The following SMAP1 variants were observed in gnomAD, a reference collection of about 807,000 sequenced individuals.
SMAP1 encodes the protein stromal membrane-associated protein 1.
Under a neutral mutation model 58.5 loss-of-function variants are expected in SMAP1, and 24 were observed. The observed-to-expected ratio is 0.41, with a 90% CI of 0.30 to 0.58. The LOEUF (loss-of-function observed/expected upper bound fraction) is 0.58, where lower values mean the gene tolerates loss of function less well. SMAP1 is among the 20% of genes least tolerant of loss of function. SMAP1 has a pLI of 0.29. For synonymous variants in SMAP1, 216 were observed against 196.6 expected, an observed-to-expected ratio of 1.10 and a Z score of -0.82; for missense variants, 563 against 566.3, an observed-to-expected ratio of 0.99 and a Z score of 0.06.
intron 1 of SMAP1, among the ~76,000 whole-genome samples, chr6:70,687,516 A>G (rs1766982941): frequency 6.6e-6 from 1 of 152,150 alleles, no homozygotes; most frequent in African/African-American, 2.4e-5. Context: ...AAGTTAGGTT[A>G]AGAATAATGG....
intron 6 of SMAP1, among the ~76,000 whole-genome samples, chr6:70,834,673 A>G (rs778472628): frequency 2.0e-5 from 3 of 152,206 alleles, no homozygotes; most frequent in Admixed American, 6.5e-5. Context: ...GCCCTGCAAT[A>G]TTTGAAGTTT....
chr6:70,798,166 G>A (rs1228958571), intron 5 of SMAP1, among the ~76,000 whole-genome samples: 1 of 151,684 alleles, frequency 6.6e-6, no homozygotes, highest in Admixed American at 6.6e-5. Context: ...ATAATGGACT[G>A]AAGATATTTT....
At chr6:70,696,749 G>A (rs780307082) in intron 1 of SMAP1, among the ~76,000 whole-genome samples, 1 of 152,134 alleles carries the variant, frequency 6.6e-6, no homozygotes, top group Non-Finnish European at 1.5e-5. Context: ...GCAGATATCT[G>A]TTAGGTCCGT....
At chr6:70,844,733 T>C (rs1245183620) in intron 7 of SMAP1, among the ~76,000 whole-genome samples, 2 of 152,250 alleles carry the variant, frequency 1.3e-5, no homozygotes, top group Non-Finnish European at 2.9e-5. Context: ...CATTTGTGAC[T>C]TGAATTTACT....
At chr6:70,738,036 G>T (rs1765680222) in intron 2 of SMAP1, among the ~76,000 whole-genome samples, 1 of 152,156 alleles carries the variant, frequency 6.6e-6, no homozygotes, top group South Asian at 2.1e-4. Flanking sequence ...GATTGCCTTG[G>T]AAGATAGGTT....
At chr6:70,690,242 T>G (rs1043903188) in intron 1 of SMAP1, among the ~76,000 whole-genome samples, 1 of 152,186 alleles carries the variant, frequency 6.6e-6, no homozygotes, top group African/African-American at 2.4e-5. Flanking sequence ...TCATCAGAAA[T>G]GTATGTTGAA....
At chr6:70,727,420 C>A (rs758428271) in intron 1 of SMAP1, among the ~76,000 whole-genome samples, 12 of 152,090 alleles carry the variant, frequency 7.9e-5, no homozygotes, top group Admixed American at 5.9e-4. Flanking sequence ...ACATAATAAT[C>A]ACATCAAATG....
At chr6:70,687,390 T>C (rs1255352362) in intron 1 of SMAP1, among the ~76,000 whole-genome samples, 1 of 152,200 alleles carries the variant, frequency 6.6e-6, no homozygotes, top group Non-Finnish European at 1.5e-5. Context: ...TAAGATTTTA[T>C]TGTACCATGT....
intron 2 of SMAP1, among the ~76,000 whole-genome samples, chr6:70,736,169 G>C (rs1192955388): frequency 3.9e-5 from 6 of 152,046 alleles, no homozygotes; most frequent in African/African-American, 1.4e-4. Context: ...TAGAATTGCT[G>C]TATGCTTATT....
chr6:70,804,297 A>G (rs1283264569), intron 6 of SMAP1, among the ~76,000 whole-genome samples: 3 of 148,116 alleles, frequency 2.0e-5, no homozygotes, highest in African/African-American at 4.9e-5. Flanking sequence ...ATCAGAGACT[A>G]GGATTGCAAC....
At position 70,826,189 on chromosome 6, in the gene SMAP1, G is replaced by A. The variant is rs374100859; in HGVS notation, c.577-10752G>A. ...TATTTTAAGGAAACTTACCAGTGTAGCCATTCAGTATTTGGGATGAATAAT... is the reference window on the plus strand; with the variant it reads ...TATTTTAAGGAAACTTACCAGTGTAACCATTCAGTATTTGGGATGAATAAT... On this transcript the variant is annotated intron_variant, in intron 6 of 10. Transcript: ENST00000370455. 1.3e-4 allele frequency among the ~76,000 whole-genome samples: 20 copies of A among 152,272 alleles called. No homozygotes were observed. The East Asian group carries it at 3.7e-3, about 28-fold the overall frequency.
At chr6:70,676,937 T>C (rs1247219910) in intron 1 of SMAP1, among the ~76,000 whole-genome samples, 1 of 151,902 alleles carries the variant, frequency 6.6e-6, no homozygotes, top group African/African-American at 2.4e-5. Flanking sequence ...CTTGTCACCA[T>C]GTATGGCTAA....
At chr6:70,674,555 G>A (rs1766399158) in intron 1 of SMAP1, among the ~76,000 whole-genome samples, 1 of 152,176 alleles carries the variant, frequency 6.6e-6, no homozygotes, top group Admixed American at 6.5e-5. Context: ...CAGAAGAGTT[G>A]ACCGCCTTAC....
intron 7 of SMAP1, among the ~76,000 whole-genome samples, chr6:70,844,021 AAG>A (rs1029809020): frequency 6.6e-6 from 1 of 152,136 alleles, no homozygotes; most frequent in Admixed American, 6.5e-5. Context: ...ATTAGAGAGA[AAG>A]AGGGAGATAG....
chr6:70,840,512 A>G (rs534946738), intron 7 of SMAP1, among the ~76,000 whole-genome samples: 66 of 152,190 alleles, frequency 4.3e-4, no homozygotes, highest in African/African-American at 1.4e-3. Context: ...CAACTATTCA[A>G]CTCCCATTGT....
intron 1 of SMAP1, among the ~76,000 whole-genome samples, chr6:70,723,852 G>C (rs373674158): frequency 6.6e-6 from 1 of 151,956 alleles, no homozygotes; most frequent in South Asian, 2.1e-4. Context: ...CTACAACTTA[G>C]GTGCTGTCTT....
At position 70,829,234 on chromosome 6, in the gene SMAP1, A is replaced by AT. The variant is rs972552469; in HGVS notation, c.577-7697dup. 2.5e-3 allele frequency among the ~76,000 whole-genome samples: 361 copies of AT among 142,844 alleles called. 2 individuals are homozygous for AT. The highest frequency in any genetic ancestry group is 8.4e-3 in the African/African-American group (327 of 38,926). 93.7% of individuals were successfully genotyped at this position (142,844 alleles called of 152,430 possible). On this transcript the variant is annotated intron_variant, in intron 6 of 10. Transcript: ENST00000370455. The stretch of plus-strand genomic sequence containing the variant: ...TCTGACCCTCTATCAGATTGTGTTT[A>AT]TTTTTTTTTTCTGTTTTTTTCTTTG...
chr6:70,808,730 T>C (rs964096602), intron 6 of SMAP1, among the ~76,000 whole-genome samples: 1 of 152,236 alleles, frequency 6.6e-6, no homozygotes, highest in African/African-American at 2.4e-5. Context: ...GGATTTCAGA[T>C]AGCTACATAA....
At chr6:70,845,884 C>T (rs1770968675) in intron 7 of SMAP1, among the ~76,000 whole-genome samples, 1 of 152,168 alleles carries the variant, frequency 6.6e-6, no homozygotes, top group South Asian at 2.1e-4. Flanking sequence ...ATTCCAGCCT[C>T]ACTGTACTTG....
Sources: allele counts gnomAD v4.1 joint callset (sites outside exome capture counted in the v4.1 genomes callset), GRCh38; gene constraint gnomAD v4.1.1; transcripts MANE v1.5; gene names NCBI Gene and HGNC (gene_info 2026-07-23, HGNC 2026-07-21).